PRKD1: variants seen among roughly 807,000 people sequenced by gnomAD.
PRKD1 encodes serine/threonine-protein kinase D1.
Under a neutral mutation model 95.9 loss-of-function variants are expected in PRKD1, and 63 were observed. The ratio of observed to expected loss-of-function variants is 0.66; its 90% CI spans 0.54 to 0.81. The LOEUF (loss-of-function observed/expected upper bound fraction) is 0.81. PRKD1 is among the 30% of genes least tolerant of loss of function. PRKD1 has a pLI of 0.00. For missense variants in PRKD1, 1,048 were observed against 1,165.3 expected (o/e 0.90, Z 1.47); for synonymous variants, 425 against 423.1 (o/e 1.00, Z -0.05).
intron 1 of PRKD1, among the ~76,000 whole-genome samples, chr14:29,729,061 T>C (rs1302020715): frequency 1.3e-5 from 2 of 152,180 alleles, no homozygotes; most frequent in Admixed American, 1.3e-4. Context: ...TATTTCTTTA[T>C]AGACCATGCT....
At chr14:29,895,785 GA>G (rs1894104213) in intron 1 of PRKD1, among the ~76,000 whole-genome samples, 1 of 152,114 alleles carries the variant, frequency 6.6e-6, no homozygotes, top group Non-Finnish European at 1.5e-5. Context: ...CACCTCATTT[GA>G]GTCTTTACTC....
At chr14:29,728,965 A>G (rs1886304623) in intron 1 of PRKD1, among the ~76,000 whole-genome samples, 2 of 152,096 alleles carry the variant, frequency 1.3e-5, no homozygotes, top group Admixed American at 1.3e-4. Flanking sequence ...TGGATATAGG[A>G]CCATTGAATT....
intron 1 of PRKD1, among the ~76,000 whole-genome samples, chr14:29,806,014 G>A (rs1890217312): frequency 6.6e-6 from 1 of 152,112 alleles, no homozygotes; most frequent in South Asian, 2.1e-4. Context: ...CTGTAGTAGT[G>A]GAGACATCAC....
intron 2 of PRKD1, among the ~76,000 whole-genome samples, chr14:29,693,811 C>A (rs1236812538): frequency 2.0e-5 from 3 of 152,144 alleles, no homozygotes; most frequent in Non-Finnish European, 4.4e-5. Flanking sequence ...CACTCACAGA[C>A]TGTTACCCAG....
chr14:29,882,152 C>A (rs956345820), intron 1 of PRKD1, among the ~76,000 whole-genome samples: 4 of 152,140 alleles, frequency 2.6e-5, no homozygotes, highest in African/African-American at 7.2e-5. Context: ...AATTGATAAC[C>A]ATAAAAACAA....
chr14:29,654,085 T>A (rs1881690467), intron 4 of PRKD1, among the ~76,000 whole-genome samples: 1 of 152,058 alleles, frequency 6.6e-6, no homozygotes, highest in African/African-American at 2.4e-5. Context: ...AATAACTATT[T>A]TTTTTTTTAA....
chr14:29,876,729 AC>A (rs1893307371), intron 1 of PRKD1, among the ~76,000 whole-genome samples: 1 of 152,036 alleles, frequency 6.6e-6, no homozygotes, highest in Non-Finnish European at 1.5e-5. Flanking sequence ...ACAAAAAAAA[AC>A]AAAAAAAAGC....
At chr14:29,689,611 T>TATATA (rs1884112105) in intron 2 of PRKD1, among the ~76,000 whole-genome samples, 1 of 152,126 alleles carries the variant, frequency 6.6e-6, no homozygotes, top group African/African-American at 2.4e-5. Context: ...GAGCCAGCAA[T>TATATA]CCCATTACAG....
chr14:29,678,199 C>A (rs1408799662), intron 2 of PRKD1, among the ~76,000 whole-genome samples: 1 of 152,038 alleles, frequency 6.6e-6, no homozygotes, highest in Non-Finnish European at 1.5e-5. Context: ...AATAAAACAT[C>A]ATTAATTGCA....
chr14:29,725,544 A>C lies in PRKD1; in HGVS notation c.395T>G (p.Val132Gly), dbSNP rs1886096540. Reference protein sequence around the residue: ...DIQEGDLIEVVLSASATFEDF... With the variant: ...DIQEGDLIEVGLSASATFEDF... Reference sequence around the variant, plus strand: ...GTATAAAAGTATACTACCTGACAAGACCACTTCAATAAGATCGCCTTCCTG... The same window carrying C: ...GTATAAAAGTATACTACCTGACAAGCCCACTTCAATAAGATCGCCTTCCTG... Residue 132 changes from valine (V) to glycine (G), a missense_variant, in exon 2 of 18, where the codon GTC becomes GGC. Coordinates refer to ENST00000331968, the MANE Select transcript of PRKD1 (RefSeq NM_002742.3). The C allele has an allele frequency of 1.9e-6, 3 of 1,613,518 alleles. No individual in the cohort carries two copies. Among genetic ancestry groups the C allele is most frequent in the Non-Finnish European group, 2.5e-6 (3 of 1,179,612 alleles).
intron 1 of PRKD1, among the ~76,000 whole-genome samples, chr14:29,726,001 C>A (rs985715281): frequency 6.6e-6 from 1 of 152,096 alleles, no homozygotes; most frequent in East Asian, 1.9e-4. Flanking sequence ...AAGAGGTGTG[C>A]ACTTTCAGAT....
intron 1 of PRKD1, among the ~76,000 whole-genome samples, chr14:29,774,587 TAC>T (rs1273837169): frequency 6.6e-6 from 1 of 152,232 alleles, no homozygotes; most frequent in Non-Finnish European, 1.5e-5. Flanking sequence ...TTTGCTGGAA[TAC>T]AGAGTTATTA....
At chr14:29,666,339 C>CA in intron 2 of PRKD1, 131 bp from the exon 3 acceptor site, 1 of 917,512 alleles carries the variant, frequency 1.1e-6, no homozygotes, top group South Asian at 3.1e-5. Flanking sequence ...TAAGATGCAA[C>CA]ACAGCTTGCA....
At chr14:29,922,672 C>G (rs1487919005) in intron 1 of PRKD1, among the ~76,000 whole-genome samples, 1 of 151,658 alleles carries the variant, frequency 6.6e-6, no homozygotes, top group Non-Finnish European at 1.5e-5. Flanking sequence ...TTGCTTGAGG[C>G]CAGGAAATCA....
Position 29,827,803 on chromosome 14 carries a change from A to G in PRKD1, c.264+99446T>C, listed in dbSNP as rs575977283. 8.5e-5 allele frequency among the ~76,000 whole-genome samples: 13 copies of G among 152,270 alleles called. No homozygotes were observed. In the East Asian group the frequency reaches 1.5e-3, roughly 18 times the overall value. On this transcript the variant is annotated intron_variant, in intron 1 of 17. Transcript: ENST00000331968. ...AATATGATTATTTGGAGGCAAAAAGAGTAGAATTAAATATCTCACAGTCCA... is the reference window on the plus strand; with the variant it reads ...AATATGATTATTTGGAGGCAAAAAGGGTAGAATTAAATATCTCACAGTCCA...
chr14:29,867,594 T>C (rs1034404661), intron 1 of PRKD1, among the ~76,000 whole-genome samples: 9 of 152,218 alleles, frequency 5.9e-5, no homozygotes, highest in African/African-American at 2.2e-4. Context: ...CTCTGAAATT[T>C]AGGAAAATGG....
chr14:29,790,935 C>G (rs1032497458), intron 1 of PRKD1, among the ~76,000 whole-genome samples: 16 of 152,182 alleles, frequency 1.1e-4, no homozygotes, highest in Non-Finnish European at 2.2e-4. Flanking sequence ...AAATGAAGTT[C>G]TAACATAGCT....
intron 8 of PRKD1, among the ~76,000 whole-genome samples, chr14:29,633,188 C>T (rs941826025): frequency 6.6e-6 from 1 of 152,084 alleles, no homozygotes; most frequent in Admixed American, 6.6e-5. Flanking sequence ...AGTATTAGCG[C>T]CCAGTAAGAG....
intron 2 of PRKD1, among the ~76,000 whole-genome samples, chr14:29,678,135 T>C (rs1883338887): frequency 6.6e-6 from 1 of 152,190 alleles, no homozygotes; most frequent in African/African-American, 2.4e-5. Context: ...CGTAAGCTTA[T>C]TGATTCCATT....
Sources: gnomAD v4.1 joint callset for allele counts (sites outside exome capture counted in the v4.1 genomes callset) on GRCh38, gnomAD v4.1.1 for gene constraint, MANE v1.5 for transcripts, NCBI Gene and HGNC (gene_info 2026-07-23, HGNC 2026-07-21) for gene names.